The following LRRC3 variants were observed in gnomAD, a reference collection of about 807,000 sequenced individuals.
LRRC3 encodes leucine rich repeat containing 3.
For missense variants in LRRC3, 351 were observed against 361.6 expected (o/e 0.97, Z 0.24); for synonymous variants, 172 against 164.1 (o/e 1.05, Z -0.37).
chr21:44,456,403 C>T, intron 1 of LRRC3, 95 bp from the exon 2 acceptor site: 1 of 558,718 alleles, frequency 1.8e-6, no homozygotes, highest in Non-Finnish European at 3.2e-6. Context: ...CCTCAACACC[C>T]TCCCCACCAG....
In LRRC3 at chr21:44,457,360, ACCTG is replaced by A; in HGVS notation, c.717_720del (p.Tyr239Ter). The A allele has an allele frequency of 6.2e-7, 1 of 1,609,062 alleles. No homozygotes were observed. Among genetic ancestry groups the A allele is most frequent in the Non-Finnish European group, 8.5e-7 (1 of 1,176,600 alleles). On this transcript the variant is annotated frameshift_variant, in exon 2 of 2. Transcript: ENST00000291592. LOFTEE classifies it high-confidence loss of function. The stretch of plus-strand genomic sequence containing the variant: ...GAGGATGCCCGGAGGCACCTGGAGT[ACCTG>A]AAGTCTCTGCCCAGCGCCCCCGCCT...
Position 44,456,714 on chromosome 21 carries a change from C to T in LRRC3, c.70C>T (p.Leu24Phe). ...CACCCGGGAGTCTTGTCTCTTCCTC[C>T]TCTTCTGCCTGCACCTGGGCGCCGC... is the stretch of plus-strand genomic sequence containing the variant. ...VSTRESCLFLLFCLHLGAACP... is the reference protein window; with the variant it reads ...VSTRESCLFLFFCLHLGAACP... The change falls in exon 2 of 2, where the codon CTC (leucine) becomes TTC (phenylalanine). Residue 24 changes from leucine to phenylalanine, a missense_variant. Leu to Phe is a conservative substitution (Grantham distance 22). Transcript: ENST00000291592. 3 of 1,609,810 alleles carry T rather than the reference C, an allele frequency of 1.9e-6. No homozygotes were observed. The highest frequency in any genetic ancestry group is 2.5e-6 in the Non-Finnish European group (3 of 1,179,792).
Position 44,457,207 on chromosome 21 carries a change from C to G in LRRC3, c.563C>G (p.Ala188Gly), listed in dbSNP as rs773528710. Residue 188 changes from alanine (A) to glycine (G), a missense_variant, in exon 2 of 2, where the codon GCT (alanine) becomes GGT (glycine). By Grantham distance (60) the Ala-to-Gly change is moderately conservative. Transcript: ENST00000291592. ...EEFVGKPLVQ[A>G]LDAGASLCSV... ...TTTGTGGGGAAGCCTCTGGTTCAGG[C>G]TCTGGATGCGGGTGCCAGCCTCTGC... 3.1e-6 allele frequency: 5 copies of G among 1,613,916 alleles called. No individual in the cohort carries two copies. In the East Asian group the frequency reaches 1.1e-4, roughly 36 times the overall value.
At position 44,459,051 on chromosome 21, in the gene LRRC3, A is replaced by T. The variant is rs1295041374; in HGVS notation, c.*1633A>T. The T allele has an allele frequency of 6.5e-6, 1 of 152,836 alleles. No individual in the cohort carries two copies. 9.5% of individuals were successfully genotyped at this position (152,836 alleles called of 1,614,324 possible). On this transcript the variant is annotated 3_prime_UTR_variant, in exon 2 of 2. Transcript: ENST00000291592. ...GCGGGGTGGGTGAGGGGCCAGGCCC[A>T]GTGTATGAGTGGAGGCAGCCCCAGG... is the stretch of plus-strand genomic sequence containing the variant.
At position 44,461,701 on chromosome 21, in the gene LRRC3, T is replaced by C. The variant is rs1330237229; in HGVS notation, c.*4283T>C. ...GGAATGTGCAGACGTGCACGGCCCA[T>C]CAGACAGGGTCTGGAGTGGGGCTGC... On this transcript the variant is annotated 3_prime_UTR_variant, in exon 2 of 2. Coordinates refer to ENST00000291592, the MANE Select transcript of LRRC3 (RefSeq NM_030891.6). 1 of 152,184 alleles carries C rather than the reference T, an allele frequency of 6.6e-6. No individual in the cohort carries two copies. The highest frequency in any genetic ancestry group is 1.5e-5 in the Non-Finnish European group (1 of 68,036). 9.4% of individuals were successfully genotyped at this position (152,184 alleles called of 1,614,324 possible). A position where few individuals can be genotyped will look rare whatever the true frequency, so the allele number is the denominator to read the frequency against.
rs538891424 is a variant in LRRC3, at chr21:44,457,775, G to A, written c.*357G>A. The A allele has an allele frequency of 1.0e-5, 3 of 287,656 alleles. No homozygotes were observed. Among genetic ancestry groups the A allele is most frequent in the South Asian group, 6.2e-5 (1 of 16,098 alleles). 17.8% of individuals were successfully genotyped at this position (287,656 alleles called of 1,614,324 possible). On this transcript the variant is annotated 3_prime_UTR_variant, in exon 2 of 2. Coordinates refer to ENST00000291592, the MANE Select transcript of LRRC3 (RefSeq NM_030891.6). Reference sequence around the variant, plus strand: ...GATATGCACTCAGAGGACTAAGGGGGTGCTCTGCAAGCGAGAGGGTTCACC... The same window carrying A: ...GATATGCACTCAGAGGACTAAGGGGATGCTCTGCAAGCGAGAGGGTTCACC...
Position 44,457,435 on chromosome 21 carries a change from C to A in LRRC3, c.*17C>A. On this transcript the variant is annotated 3_prime_UTR_variant, in exon 2 of 2. Transcript: ENST00000291592. ...GGGCCCTAGCGCCTGTTCCGGCAGA[C>A]CCCCGCCGGTGGCTGCTGTCACTTT... is the stretch of plus-strand genomic sequence containing the variant. 1 of 1,548,828 alleles carries A rather than the reference C, an allele frequency of 6.5e-7. No individual in the cohort carries two copies. Among genetic ancestry groups the A allele is most frequent in the Non-Finnish European group, 8.7e-7 (1 of 1,145,160 alleles).
At position 44,457,209 on chromosome 21, in the gene LRRC3, C is replaced by G. The variant is rs1202262422; in HGVS notation, c.565C>G (p.Leu189Val). 3 of 1,614,028 alleles carry G rather than the reference C, an allele frequency of 1.9e-6. No individual in the cohort carries two copies. Among genetic ancestry groups the G allele is most frequent in the Non-Finnish European group, 2.5e-6 (3 of 1,180,048 alleles). Residue 189 changes from leucine to valine, a missense_variant, in exon 2 of 2, where the codon CTG becomes GTG. Leu to Val is a conservative substitution (Grantham distance 32). Coordinates refer to ENST00000291592, the MANE Select transcript of LRRC3 (RefSeq NM_030891.6). ...TGTGGGGAAGCCTCTGGTTCAGGCT[C>G]TGGATGCGGGTGCCAGCCTCTGCAG... is the stretch of plus-strand genomic sequence containing the variant. ...EFVGKPLVQA[L>V]DAGASLCSVP...
At position 44,457,262 on chromosome 21, in the gene LRRC3, C is replaced by T. The variant is rs2051712752; in HGVS notation, c.618C>T (p.Ala206=). The T allele has an allele frequency of 1.2e-6, 2 of 1,613,806 alleles. No homozygotes were observed. The highest frequency in any genetic ancestry group is 2.7e-5 in the African/African-American group (2 of 74,938). ...TCCCCCACAGGACCACAGACGTGGCCATGCTGGTCACCATGTTCGGCTGGT... is the reference window on the plus strand; with the variant it reads ...TCCCCCACAGGACCACAGACGTGGCTATGCTGGTCACCATGTTCGGCTGGT... ...CSVPHRTTDV[A]MLVTMFGWFA... is the part of the protein sequence containing the mutation. The change falls in exon 2 of 2, where the codon GCC becomes GCT. Residue 206 remains alanine, a synonymous_variant. Transcript: ENST00000291592.
At chr21:44,456,441 C>T (rs1451392999) in intron 1 of LRRC3, 57 bp from the exon 2 acceptor site, 6 of 597,834 alleles carry the variant, frequency 1.0e-5, no homozygotes, top group South Asian at 2.1e-5. Context: ...TGACCGCAGC[C>T]GGCAGTGCTG....
intron 1 of LRRC3, among the ~76,000 whole-genome samples, 164 bp downstream of exon 1, chr21:44,455,819 C>T (rs2051694693): frequency 6.6e-6 from 1 of 151,940 alleles, no homozygotes; most frequent in Non-Finnish European, 1.5e-5. Context: ...CCGGCCGGCT[C>T]CGCGCGCGGC....
rs756677793 is a variant in LRRC3 at position 44,457,038 on chromosome 21, G to A, written c.394G>A (p.Ala132Thr). 2.1e-5 allele frequency: 34 copies of A among 1,605,788 alleles called. No individual in the cohort carries two copies. Among genetic ancestry groups the A allele is most frequent in the South Asian group, 1.4e-4 (13 of 91,034 alleles). Residue 132 changes from alanine (A) to threonine (T), a missense_variant, in exon 2 of 2, where the codon GCC (alanine) becomes ACC (threonine). By Grantham distance (58) the Ala-to-Thr change is moderately conservative. Coordinates refer to ENST00000291592, the MANE Select transcript of LRRC3 (RefSeq NM_030891.6). ...CCGCATCCAGAGGATCCCCAAGGAC[G>A]CCCTGGGCAAACTCAGCGCCAAGAT... is the stretch of plus-strand genomic sequence containing the variant. Reference protein sequence around the residue: ...YNRIQRIPKDALGKLSAKIRL... With the variant: ...YNRIQRIPKDTLGKLSAKIRL...
At chr21:44,455,939 C>A (rs2051695829) in intron 1 of LRRC3, among the ~76,000 whole-genome samples, 1 of 152,080 alleles carries the variant, frequency 6.6e-6, no homozygotes, top group Admixed American at 6.5e-5. Flanking sequence ...GTGCCCGGTG[C>A]GAGCCGCGGC....
At position 44,457,367 on chromosome 21, in the gene LRRC3, G is replaced by A; in HGVS notation, c.723G>A (p.Lys241=). Reference sequence around the variant, plus strand: ...CCCGGAGGCACCTGGAGTACCTGAAGTCTCTGCCCAGCGCCCCCGCCTCCA... The same window carrying A: ...CCCGGAGGCACCTGGAGTACCTGAAATCTCTGCCCAGCGCCCCCGCCTCCA... The part of the protein sequence containing the change: ...EDARRHLEYL[K]SLPSAPASKD... The change falls in exon 2 of 2, where the codon AAG becomes AAA. Residue 241 remains lysine (K), a synonymous_variant. Transcript: ENST00000291592. 1 of 1,607,420 alleles carries A rather than the reference G, an allele frequency of 6.2e-7. No individual in the cohort carries two copies. The highest frequency in any genetic ancestry group is 8.5e-7 in the Non-Finnish European group (1 of 1,175,344).
Position 44,460,677 on chromosome 21 carries a change from C to A in LRRC3, c.*3259C>A, listed in dbSNP as rs1173097881. On this transcript the variant is annotated 3_prime_UTR_variant, in exon 2 of 2. Coordinates refer to ENST00000291592, the MANE Select transcript of LRRC3 (RefSeq NM_030891.6). ...ATGGGCAGGGCTTAGCTTCCTGATG[C>A]CGCCCATTCACCACTTTCACCCCGG... 1 of 152,156 alleles carries A rather than the reference C, an allele frequency of 6.6e-6. No individual in the cohort carries two copies. Among genetic ancestry groups the A allele is most frequent in the African/African-American group, 2.4e-5 (1 of 41,388 alleles). 9.4% of individuals were successfully genotyped at this position (152,156 alleles called of 1,614,324 possible).
At position 44,456,555 on chromosome 21, in the gene LRRC3, C is replaced by A; in HGVS notation, c.-90C>A. ...GCGGGGCAGGATGGCGGTTTCATGTCTGGTTGGATAAGGCCTTGCCTGCGG... is the reference window on the plus strand; with the variant it reads ...GCGGGGCAGGATGGCGGTTTCATGTATGGTTGGATAAGGCCTTGCCTGCGG... On this transcript the variant is annotated 5_prime_UTR_variant, in exon 2 of 2. The change creates a new upstream start codon in the 5' untranslated region. Transcript: ENST00000291592. 1 of 1,384,536 alleles carries A rather than the reference C, an allele frequency of 7.2e-7. No individual in the cohort carries two copies. Among genetic ancestry groups the A allele is most frequent in the Non-Finnish European group, 9.8e-7 (1 of 1,024,522 alleles). The allele number at this position is 1,384,536 out of a possible 1,614,324, so 85.8% of individuals were successfully genotyped here.
chr21:44,457,247 G>T lies in LRRC3; in HGVS notation c.603G>T (p.Arg201Ser). The stretch of plus-strand genomic sequence containing the variant: ...CCAGCCTCTGCAGCGTCCCCCACAG[G>T]ACCACAGACGTGGCCATGCTGGTCA... ...AGASLCSVPH[R>S]TTDVAMLVTM... The change falls in exon 2 of 2, where the codon AGG becomes AGT. Residue 201 changes from arginine to serine, a missense_variant. Coordinates refer to ENST00000291592, the MANE Select transcript of LRRC3 (RefSeq NM_030891.6). 6.2e-7 allele frequency: 1 copy of T among 1,613,954 alleles called. No homozygotes were observed. Among genetic ancestry groups the T allele is most frequent in the South Asian group, 1.1e-5 (1 of 91,086 alleles).
At chr21:44,456,006 C>T (rs974729000) in intron 1 of LRRC3, among the ~76,000 whole-genome samples, 1 of 152,180 alleles carries the variant, frequency 6.6e-6, no homozygotes, top group South Asian at 2.1e-4. Context: ...TAGGGGTTGT[C>T]GGAGTCAGCC....
intron 1 of LRRC3, among the ~76,000 whole-genome samples, chr21:44,456,270 G>A (rs2051698677): frequency 6.6e-6 from 1 of 152,238 alleles, no homozygotes; most frequent in African/African-American, 2.4e-5. Context: ...GGAGCCCCCT[G>A]GCAGTGCCAG....
Sources: gnomAD v4.1 joint callset for allele counts (sites outside exome capture counted in the v4.1 genomes callset) on GRCh38, gnomAD v4.1.1 for gene constraint, MANE v1.5 for transcripts, NCBI Gene and HGNC (gene_info 2026-07-23, HGNC 2026-07-21) for gene names.